The following TSPAN11 variants were observed in gnomAD, a reference collection of about 807,000 sequenced individuals.
TSPAN11 encodes tetraspanin 11, also known as tetraspanin-11.
Under a neutral mutation model 32.9 loss-of-function variants are expected in TSPAN11, and 29 were observed. The ratio of observed to expected loss-of-function variants is 0.88; its 90% CI spans 0.66 to 1.20. TSPAN11 has a LOEUF of 1.20. Ranked by LOEUF, TSPAN11 falls within the 50% of genes most tolerant of loss-of-function variation. The pLI, the probability that TSPAN11 is intolerant of heterozygous loss-of-function variation, is 0.00. For missense variants in TSPAN11, 283 were observed against 329.1 expected (o/e 0.86, Z 1.08); for synonymous variants, 140 against 141.3 (o/e 0.99, Z 0.07).
the TSPAN11 span, among the ~76,000 whole-genome samples, chr12:31,003,568 T>C: frequency 5.3e-5 from 8 of 152,134 alleles, no homozygotes; most frequent in African/African-American, 1.7e-4. Context: ...ACTGTTGCTG[T>C]TGATATTAAC....
intron 1 of TSPAN11, among the ~76,000 whole-genome samples, chr12:30,943,335 C>G (rs1300237779): frequency 6.6e-6 from 1 of 152,200 alleles, no homozygotes; most frequent in Non-Finnish European, 1.5e-5. Context: ...AACATCTGCT[C>G]TCATGTGTCT....
In TSPAN11 at chr12:30,960,623, T is replaced by G. The variant is rs546612884; in HGVS notation, c.85-3203T>G. 3.3e-5 allele frequency among the ~76,000 whole-genome samples: 5 copies of G among 152,112 alleles called. No individual in the cohort carries two copies. The East Asian group carries it at 9.6e-4, about 29-fold the overall frequency. ...TGTTTCTTTCCTATGAACATAAAGT[T>G]CCTAAAATTACACAACAGGGGTGAC... On this transcript the variant is annotated intron_variant, in intron 2 of 7. Coordinates refer to ENST00000546076, the MANE Select transcript of TSPAN11 (RefSeq NM_001370302.1).
At chr12:30,935,382 T>G (rs372305032) in intron 1 of TSPAN11, among the ~76,000 whole-genome samples, 74,346 of 130,550 alleles carry the variant, frequency 0.57, 21,723 homozygotes, top group East Asian at 0.7. Context: ...GGTTTTTTTT[T>G]TTTTTTTTTT....
At chr12:30,942,727 TAA>T (rs10661944) in intron 1 of TSPAN11, among the ~76,000 whole-genome samples, 15 of 143,496 alleles carry the variant, frequency 1.0e-4, no homozygotes, top group African/African-American at 1.8e-4. Flanking sequence ...CAAATGAAGT[TAA>T]AAAAAAAAAA....
At chr12:31,004,383 G>C in the TSPAN11 span, among the ~76,000 whole-genome samples, 1 of 152,118 alleles carries the variant, frequency 6.6e-6, no homozygotes, top group African/African-American at 2.4e-5. Flanking sequence ...TCTTCTCTTT[G>C]AGATCACAGA....
intron 7 of TSPAN11, among the ~76,000 whole-genome samples, chr12:30,990,350 C>T (rs1242720146): frequency 1.3e-5 from 2 of 152,210 alleles, no homozygotes; most frequent in Non-Finnish European, 2.9e-5. Flanking sequence ...GTTTCCAGCA[C>T]AAACCTGTGC....
At chr12:30,934,391 TC>T (rs1336071688) in intron 1 of TSPAN11, among the ~76,000 whole-genome samples, 1 of 152,214 alleles carries the variant, frequency 6.6e-6, no homozygotes, top group African/African-American at 2.4e-5. Context: ...GGCGTCTTAG[TC>T]CATTCTCACG....
chr12:30,996,697 T>C (rs915538939), downstream of TSPAN11: 1 of 152,174 alleles, frequency 6.6e-6, no homozygotes, highest in African/African-American at 2.4e-5. Context: ...GAAGCTGCTG[T>C]GTTAGCCACG....
At chr12:30,935,133 C>T (rs1938016457) in intron 1 of TSPAN11, among the ~76,000 whole-genome samples, 1 of 152,188 alleles carries the variant, frequency 6.6e-6, no homozygotes, top group South Asian at 2.1e-4. Flanking sequence ...CACCGGTCTT[C>T]CCTGCGGAGA....
intron 1 of TSPAN11, chr12:30,927,035 C>G: frequency 7.8e-7 from 1 of 1,284,142 alleles, no homozygotes; most frequent in Non-Finnish European, 1.0e-6. Flanking sequence ...ACACGCAACA[C>G]GGTGTCCATA....
At chr12:30,957,895 C>CCTTG (rs1938532556) in intron 2 of TSPAN11, among the ~76,000 whole-genome samples, 1 of 140,302 alleles carries the variant, frequency 7.1e-6, no homozygotes, top group Non-Finnish European at 1.5e-5. Flanking sequence ...TTCCTTCCTT[C>CCTTG]CTTACATGTG....
rs529757481 is a variant in TSPAN11 at position 30,958,522 on chromosome 12, G to A, written c.84+4447G>A. ...GTGCCGTCCACCCTGCCTGCATGTG[G>A]GTATAGGGCTCAGCTGTGCTCTCTC... On this transcript the variant is annotated intron_variant, in intron 2 of 7. Transcript: ENST00000546076. 5.8e-4 allele frequency among the ~76,000 whole-genome samples: 88 copies of A among 152,270 alleles called. No homozygotes were observed. The Middle Eastern group carries it at 0.01, about 18-fold the overall frequency.
chr12:31,015,514 A>C, the TSPAN11 span: 1 of 152,286 alleles, frequency 6.6e-6, no homozygotes, highest in East Asian at 1.9e-4. This position sits in a 1 kb window ranked among gnomAD's most constrained non-coding sequence, Gnocchi z 4.9. Flanking sequence ...CAATAACAGA[A>C]GCTTCTGACT....
chr12:30,987,030 G>C (rs73097996), intron 7 of TSPAN11, among the ~76,000 whole-genome samples: 2 of 152,220 alleles, frequency 1.3e-5, no homozygotes, highest in Non-Finnish European at 2.9e-5. Flanking sequence ...AAAAGAGCTC[G>C]TTGGATATGA....
At chr12:30,959,711 C>A (rs1435756947) in intron 2 of TSPAN11, among the ~76,000 whole-genome samples, 1 of 142,710 alleles carries the variant, frequency 7.0e-6, no homozygotes, top group Non-Finnish European at 1.5e-5. Context: ...ACCTGGGAGG[C>A]GGAGGTTGCA....
At chr12:30,974,211 G>A (rs960419829) in intron 3 of TSPAN11, among the ~76,000 whole-genome samples, 2 of 152,232 alleles carry the variant, frequency 1.3e-5, no homozygotes, top group African/African-American at 4.8e-5. Flanking sequence ...GGCTCCCACA[G>A]TGCATAGGGA....
chr12:30,978,495 TGGG>T, intron 3 of TSPAN11, 63 bp from the exon 4 acceptor site: 1 of 1,527,116 alleles, frequency 6.5e-7, no homozygotes, highest in Non-Finnish European at 9.1e-7. Context: ...CCCACCACTG[TGGG>T]GAAACATTTG....
the TSPAN11 span, among the ~76,000 whole-genome samples, chr12:31,014,505 G>A: frequency 2.0e-5 from 3 of 152,096 alleles, no homozygotes; most frequent in Non-Finnish European, 2.9e-5. Flanking sequence ...AGATCAAGCC[G>A]AAACTTGAAC....
intron 1 of TSPAN11, among the ~76,000 whole-genome samples, chr12:30,947,888 A>T (rs1938301013): frequency 6.6e-6 from 1 of 152,208 alleles, no homozygotes; most frequent in Admixed American, 6.5e-5. Context: ...CTCATCTGAG[A>T]CAAGGCAAGT....
Sources: allele counts gnomAD v4.1 joint callset (sites outside exome capture counted in the v4.1 genomes callset), GRCh38; gene constraint gnomAD v4.1.1; non-coding constraint Gnocchi (gnomAD v3.1); transcripts MANE v1.5; gene names NCBI Gene and HGNC (gene_info 2026-07-23, HGNC 2026-07-21).